Variants in SLC15A2 observed in about 807,000 individuals in gnomAD.
The protein encoded by SLC15A2 is solute carrier family 15 member 2.
A neutral mutation model predicts 95.5 loss-of-function variants in SLC15A2; 77 were observed. The ratio of observed to expected loss-of-function variants is 0.81; its 90% confidence interval spans 0.67 to 0.97. The LOEUF (loss-of-function observed/expected upper bound fraction) is 0.97, where lower values mean the gene tolerates loss of function less well. Ranked by LOEUF, SLC15A2 falls within the 50% of genes least tolerant of loss-of-function variation. SLC15A2 has a pLI of 0.00. For synonymous variants in SLC15A2, 306 were observed against 306.9 expected, an observed-to-expected ratio of 1.00 and a Z score of 0.03; for missense variants, 893 against 874.4, an observed-to-expected ratio of 1.02 and a Z score of -0.27.
intron 3 of SLC15A2, among the ~76,000 whole-genome samples, chr3:121,901,430 G>A (rs1709518216): frequency 6.6e-6 from 1 of 152,170 alleles, no homozygotes; most frequent in Admixed American, 6.6e-5. Context: ...GTAGCCACAT[G>A]ACTGCAGATA....
chr3:121,897,889 C>T (rs926516426), intron 3 of SLC15A2, among the ~76,000 whole-genome samples: 1 of 152,122 alleles, frequency 6.6e-6, no homozygotes, highest in East Asian at 1.9e-4. Context: ...TAGCCAGGTG[C>T]GGTGGCTCAC....
chr3:121,940,492 T>A lies in SLC15A2; in HGVS notation c.2013+4T>A. The stretch of plus-strand genomic sequence containing the variant: ...ACAGTTCAGTGGCCTGGTACAGGTA[T>A]GGATCTGAGGGAAGCAGGATTCATT... On this transcript the variant is annotated splice_donor_region_variant and intron_variant, in intron 21 of 21. Coordinates refer to ENST00000489711, the MANE Select transcript of SLC15A2 (RefSeq NM_021082.4). 6.2e-7 allele frequency: 1 copy of A among 1,607,296 alleles called. No individual in the cohort carries two copies. Among genetic ancestry groups the A allele is most frequent in the Non-Finnish European group, 8.5e-7 (1 of 1,173,916 alleles).
chr3:121,909,802 C>T (rs1445090875), intron 3 of SLC15A2, among the ~76,000 whole-genome samples: 5 of 131,712 alleles, frequency 3.8e-5, no homozygotes, highest in Admixed American at 3.6e-4. Context: ...TTTCTTAAAA[C>T]ATTATTAGAT....
Position 121,915,678 on chromosome 3 carries a change from A to C in SLC15A2, c.682A>C (p.Met228Leu). ...ALAFGVPGLL[M>L]VIALVVFAMG... ...GGCTTTTGGAGTTCCAGGACTGCTC[A>C]TGGTAATTGCACTTGGTAAGTGCAG... The change falls in exon 7 of 22, where the codon ATG becomes CTG. Residue 228 changes from methionine (M) to leucine (L), a missense_variant. By Grantham distance (15) the Met-to-Leu change is conservative (BLOSUM62 2). Coordinates refer to ENST00000489711, the MANE Select transcript of SLC15A2 (RefSeq NM_021082.4). 2 of 1,613,366 alleles carry C rather than the reference A, an allele frequency of 1.2e-6. No individual in the cohort carries two copies. Among genetic ancestry groups the C allele is most frequent in the Non-Finnish European group, 1.7e-6 (2 of 1,179,310 alleles).
intron 4 of SLC15A2, among the ~76,000 whole-genome samples, chr3:121,912,247 G>GTTTGTTTT (rs1391703349): frequency 2.3e-4 from 35 of 152,082 alleles, no homozygotes; most frequent in Admixed American, 6.6e-5. Flanking sequence ...TTGTTTGTTT[G>GTTTGTTTT]TTTTTAGACA....
In SLC15A2 at chr3:121,943,874, G is replaced by A. The variant is rs1449899353; in HGVS notation, c.*2867G>A. The A allele has an allele frequency of 1.3e-5, 2 of 152,198 alleles. No homozygotes were observed. The highest frequency in any genetic ancestry group is 2.1e-4 in the South Asian group (1 of 4,828). The allele number at this position is 152,198 out of a possible 1,614,324, so 9.4% of individuals were successfully genotyped here. ...ACTGTATTAAATGCTGTAGGCAATT[G>A]TAACACAATGGTATTTTTATACTTA... On this transcript the variant is annotated 3_prime_UTR_variant, in exon 22 of 22. Coordinates refer to ENST00000489711, the MANE Select transcript of SLC15A2 (RefSeq NM_021082.4).
At chr3:121,937,628 G>C (rs540143731) in intron 19 of SLC15A2, among the ~76,000 whole-genome samples, 9 of 151,906 alleles carry the variant, frequency 5.9e-5, no homozygotes, top group African/African-American at 2.2e-4. Flanking sequence ...GCTCCTTTAA[G>C]CACTTCTCTG....
intron 7 of SLC15A2, among the ~76,000 whole-genome samples, chr3:121,916,945 C>T (rs183228535): frequency 1.7e-4 from 26 of 152,118 alleles, no homozygotes; most frequent in East Asian, 1.9e-4. Flanking sequence ...CTCAGCCTCC[C>T]GAGTAGCTGG....
rs1178760016 is a variant in SLC15A2 at position 121,922,777 on chromosome 3, T to A, written c.783T>A (p.Phe261Leu). Residue 261 changes from phenylalanine (F) to leucine (L), a missense_variant and splice_region_variant, in exon 9 of 22, where the codon TTT (phenylalanine) becomes TTA (leucine). Transcript: ENST00000489711. ...ATGATGTCTACTCTCTGCCCTAGTT[T>A]GCTATTTCCAATCGTTTCAAGAACC... is the stretch of plus-strand genomic sequence containing the variant. ...IVAQVFKCIWFAISNRFKNRS... is the reference protein window; with the variant it reads ...IVAQVFKCIWLAISNRFKNRS... 1.2e-6 allele frequency: 2 copies of A among 1,612,596 alleles called. No individual in the cohort carries two copies.
chr3:121,914,923 A>G (rs1186196059), intron 5 of SLC15A2: 2 of 866,844 alleles, frequency 2.3e-6, no homozygotes, highest in Non-Finnish European at 1.4e-6. Flanking sequence ...TAATGCAAAG[A>G]CATTAATATT....
At position 121,897,382 on chromosome 3, in the gene SLC15A2, C is replaced by G. The variant is rs1709437915; in HGVS notation, c.194-6C>G. 1 of 1,612,318 alleles carries G rather than the reference C, an allele frequency of 6.2e-7. No individual in the cohort carries two copies. Among genetic ancestry groups the G allele is most frequent in the Non-Finnish European group, 8.5e-7 (1 of 1,179,330 alleles). ...TCCCCACGCCTCCTTTTTTTTCCCA[C>G]TACAGCTGTGCTGATCCTGTATTTC... On this transcript the variant is annotated splice_polypyrimidine_tract_variant and splice_region_variant and intron_variant, in intron 2 of 21. Transcript: ENST00000489711.
intron 15 of SLC15A2, 29 bp from the exon 16 acceptor site, chr3:121,928,953 A>C: frequency 6.2e-7 from 1 of 1,609,756 alleles, no homozygotes; most frequent in Non-Finnish European, 8.5e-7. Flanking sequence ...GGTGTACGTG[A>C]CCTTCATTTT....
chr3:121,897,803 T>A (rs1709447755), intron 3 of SLC15A2, among the ~76,000 whole-genome samples: 1 of 152,186 alleles, frequency 6.6e-6, no homozygotes, highest in African/African-American at 2.4e-5. Context: ...AACCTTCCAT[T>A]CCATAGTTTA....
In SLC15A2 at chr3:121,911,739, C is replaced by T. The variant is rs1576675962; in HGVS notation, c.428+73C>T. On this transcript the variant is annotated intron_variant, in intron 4 of 21. Transcript: ENST00000489711. Reference sequence around the variant, plus strand: ...TTACAAATTATTTTCTGTTTTCTTACCAGAGATGTCTCTTTATTTTCAATC... The same window carrying T: ...TTACAAATTATTTTCTGTTTTCTTATCAGAGATGTCTCTTTATTTTCAATC... 10 of 971,280 alleles carry T rather than the reference C, an allele frequency of 1.0e-5. No individual in the cohort carries two copies. In the East Asian group the frequency reaches 2.2e-4, roughly 21 times the overall value. The allele number at this position is 971,280 out of a possible 1,614,324, so 60.2% of individuals were successfully genotyped here.
At position 121,924,370 on chromosome 3, in the gene SLC15A2, C is replaced by T. The variant is rs765554353; in HGVS notation, c.1022C>T (p.Pro341Leu). 8.7e-6 allele frequency: 14 copies of T among 1,613,410 alleles called. No individual in the cohort carries two copies. In the African/African-American group the frequency reaches 9.4e-5, roughly 11 times the overall value. Residue 341 changes from proline to leucine, a missense_variant, in exon 12 of 22, where the codon CCG (proline) becomes CTG (leucine). Pro to Leu is a moderately conservative substitution (Grantham distance 98, BLOSUM62 -3). Coordinates refer to ENST00000489711, the MANE Select transcript of SLC15A2 (RefSeq NM_021082.4). ...NRNLGFFVLQ[P>L]DQMQVLNPLL... is the part of the protein sequence containing the mutation. The stretch of plus-strand genomic sequence containing the variant: ...TTTCAGGGGTTTTTTGTGCTTCAGC[C>T]GGACCAGATGCAGGTATGTGACTCT...
chr3:121,901,824 T>A (rs967329980), intron 3 of SLC15A2, among the ~76,000 whole-genome samples: 2 of 149,086 alleles, frequency 1.3e-5, no homozygotes, highest in African/African-American at 5.0e-5. Context: ...CTCTCATATG[T>A]TTCTCTGCCT....
In SLC15A2 at chr3:121,896,456, T is replaced by G; in HGVS notation, c.156T>G (p.Asn52Lys). 1 of 1,614,150 alleles carries G rather than the reference T, an allele frequency of 6.2e-7. No individual in the cohort carries two copies. Among genetic ancestry groups the G allele is most frequent in the Admixed American group, 1.7e-5 (1 of 60,030 alleles). Residue 52 changes from asparagine (N) to lysine (K), a missense_variant, in exon 2 of 22, where the codon AAT becomes AAG. Asn to Lys is a moderately conservative substitution (Grantham distance 94, BLOSUM62 0). Coordinates refer to ENST00000489711, the MANE Select transcript of SLC15A2 (RefSeq NM_021082.4). The stretch of plus-strand genomic sequence containing the variant: ...TGAGCATTGCCTTCATTGTGGTGAA[T>G]GAATTCTGCGAGCGCTTTTCCTATT... ...YPLSIAFIVVNEFCERFSYYG... is the reference protein window; with the variant it reads ...YPLSIAFIVVKEFCERFSYYG...
At chr3:121,909,085 G>A (rs895403714) in intron 3 of SLC15A2, among the ~76,000 whole-genome samples, 2 of 151,820 alleles carry the variant, frequency 1.3e-5, no homozygotes, top group African/African-American at 4.8e-5. Context: ...CTTTGAGATG[G>A]AGTCTTGCTC....
At chr3:121,932,475 C>T (rs1263870793) in intron 19 of SLC15A2, among the ~76,000 whole-genome samples, 1 of 152,152 alleles carries the variant, frequency 6.6e-6, no homozygotes, top group African/African-American at 2.4e-5. Flanking sequence ...AATACTGAAA[C>T]TGATAATAAT....
Sources: allele counts gnomAD v4.1 joint callset (sites outside exome capture counted in the v4.1 genomes callset), GRCh38; gene constraint gnomAD v4.1.1; transcripts MANE v1.5; gene names NCBI Gene and HGNC (gene_info 2026-07-23, HGNC 2026-07-21).